Variants in ZNF536 observed in about 807,000 individuals in gnomAD.
The protein encoded by ZNF536 is zinc finger protein 536.
In ZNF536, 13 loss-of-function variants were observed where a neutral mutation model predicts 84.5. That is an observed-to-expected ratio of 0.15 (90% CI 0.10 to 0.24). The LOEUF (loss-of-function observed/expected upper bound fraction) is 0.24. Among genes scored for constraint, ZNF536 ranks in the 10% least tolerant of loss-of-function variants. ZNF536 has a pLI of 1.00. For missense variants in ZNF536, 1,536 were observed against 1,747.5 expected (o/e 0.88, Z 2.16); for synonymous variants, 811 against 742.5 (o/e 1.09, Z -1.50).
chr19:30,297,827 A>G lies in ZNF536; in HGVS notation c.-120+13686A>G, dbSNP rs1262823708. ...GCGCCAGGCAGCAGGAGCCCCCTGGATTTGCACCGTGCCCTTTATGAGTTA... is the reference window on the plus strand; with the variant it reads ...GCGCCAGGCAGCAGGAGCCCCCTGGGTTTGCACCGTGCCCTTTATGAGTTA... On this transcript the variant is annotated intron_variant, in intron 2 of 5. Transcript: ENST00000585628. Among the ~76,000 whole-genome samples, 10 of 150,084 alleles carry G rather than the reference A, an allele frequency of 6.7e-5. No homozygotes were observed. In the South Asian group the frequency reaches 2.1e-3, roughly 32 times the overall value.
At position 30,444,586 on chromosome 19, in the gene ZNF536, G is replaced by A; in HGVS notation, c.1024G>A (p.Ala342Thr). ...CCCCAACGGCGGTGGCGAGCAGTCG[G>A]CCAACGAGTTCCGCTGCGAGGTGTG... ...QGPNGGGEQS[A>T]NEFRCEVCGQ... Residue 342 changes from alanine (A) to threonine (T), a missense_variant, in exon 2 of 5, where the codon GCC becomes ACC. By Grantham distance (58) the Ala-to-Thr change is moderately conservative. This residue lies in a region of ZNF536 where 61 missense variants were observed against 104.0 expected (regional missense o/e 0.59). Transcript: ENST00000355537. 2 of 1,613,762 alleles carry A rather than the reference G, an allele frequency of 1.2e-6. No individual in the cohort carries two copies. Among genetic ancestry groups the A allele is most frequent in the Non-Finnish European group, 1.7e-6 (2 of 1,180,024 alleles).
chr19:30,246,869 A>C (rs16963961), intron 1 of ZNF536, among the ~76,000 whole-genome samples: 3,571 of 152,270 alleles, frequency 0.023, 137 homozygotes, highest in African/African-American at 0.081. Context: ...TCTACCAGGG[A>C]TATTTGAAGA....
chr19:30,533,908 G>C (rs1039638138), intron 2 of ZNF536, among the ~76,000 whole-genome samples: 4 of 152,220 alleles, frequency 2.6e-5, no homozygotes, highest in Non-Finnish European at 5.9e-5. Context: ...TCTCCTCCTC[G>C]ATTCCCCAAT....
At chr19:30,686,320 A>T (rs2051179344) in intron 1 of ZNF536, among the ~76,000 whole-genome samples, 1 of 152,004 alleles carries the variant, frequency 6.6e-6, no homozygotes, top group South Asian at 2.1e-4. Context: ...TTTTTCCTGA[A>T]GGTGGCAGTG....
In ZNF536 at chr19:30,439,959, CTTTTTTTTTTT is replaced by C. The variant is rs199638233; in HGVS notation, c.-2-3591_-2-3581del. Reference sequence around the variant, plus strand: ...TTCTTTCTTTTCTTTTTCTTTCTTTCTTTTTTTTTTTTTTTTTTTTTGACAGAGTCTCGCTC... The same window carrying C: ...TTCTTTCTTTTCTTTTTCTTTCTTTCTTTTTTTTTTGACAGAGTCTCGCTC... On this transcript the variant is annotated intron_variant, in intron 1 of 4. Coordinates refer to ENST00000355537, the MANE Select transcript of ZNF536 (RefSeq NM_014717.3). Among the ~76,000 whole-genome samples, 108 of 96,392 alleles carry C rather than the reference CTTTTTTTTTTT, an allele frequency of 1.1e-3. 2 individuals carry two copies. In the East Asian group the frequency reaches 0.031, roughly 28 times the overall value. 63.2% of individuals were successfully genotyped at this position (96,392 alleles called of 152,430 possible). A position where few individuals can be genotyped will look rare whatever the true frequency, so the allele number is the denominator to read the frequency against.
chr19:30,491,316 C>T (rs2054500361), intron 2 of ZNF536, among the ~76,000 whole-genome samples: 1 of 152,114 alleles, frequency 6.6e-6, no homozygotes, highest in Non-Finnish European at 1.5e-5. Flanking sequence ...CTTCTGTCTC[C>T]TGTTCAGTAA....
At chr19:30,292,597 A>G (rs2045878837) in intron 2 of ZNF536, among the ~76,000 whole-genome samples, 2 of 152,162 alleles carry the variant, frequency 1.3e-5, no homozygotes, top group African/African-American at 2.4e-5. Context: ...CTAGGGTTAT[A>G]GGCATGAGCC....
chr19:30,567,847 G>A (rs892413567), intron 1 of ZNF536, among the ~76,000 whole-genome samples: 2 of 152,308 alleles, frequency 1.3e-5, no homozygotes, highest in South Asian at 2.1e-4. Context: ...GGGGAAGGAG[G>A]TCTCCCTCGG....
intron 1 of ZNF536, among the ~76,000 whole-genome samples, chr19:30,247,637 G>A (rs1400771567): frequency 6.6e-6 from 1 of 152,106 alleles, no homozygotes; most frequent in African/African-American, 2.4e-5. Context: ...AGGCCAGCCT[G>A]GGCAACATCG....
At chr19:30,426,609 A>C (rs2051224591) in intron 1 of ZNF536, among the ~76,000 whole-genome samples, 1 of 152,192 alleles carries the variant, frequency 6.6e-6, no homozygotes. Flanking sequence ...GCAGAGATGC[A>C]AATATCTGAA....
At chr19:30,302,263 G>T (rs1297354765) in intron 2 of ZNF536, among the ~76,000 whole-genome samples, 2 of 152,180 alleles carry the variant, frequency 1.3e-5, no homozygotes, top group African/African-American at 2.4e-5. Context: ...GGGAGGCTCT[G>T]TCCGTCCTGC....
intron 1 of ZNF536, among the ~76,000 whole-genome samples, chr19:30,686,221 G>A (rs901604956): frequency 2.6e-5 from 4 of 152,022 alleles, no homozygotes; most frequent in South Asian, 2.1e-4. Context: ...TCATTCTGCA[G>A]TAGCAGCGAG....
intron 2 of ZNF536, among the ~76,000 whole-genome samples, chr19:30,502,452 C>T (rs779708886): frequency 2.6e-5 from 4 of 151,830 alleles, no homozygotes; most frequent in Admixed American, 1.3e-4. Context: ...GGTGAGTGAT[C>T]GGAAAGATCG....
chr19:30,443,275 G>C (rs1274066890), intron 1 of ZNF536, among the ~76,000 whole-genome samples: 1 of 152,126 alleles, frequency 6.6e-6, no homozygotes, highest in African/African-American at 2.4e-5. Flanking sequence ...ATTAGGTGTT[G>C]AAAGTGGTAA....
At chr19:30,491,135 A>T (rs898298608) in intron 2 of ZNF536, among the ~76,000 whole-genome samples, 11 of 152,224 alleles carry the variant, frequency 7.2e-5, no homozygotes, top group African/African-American at 2.6e-4. Context: ...CATGAAAACA[A>T]ACGGCAAGTC....
chr19:30,705,580 C>T (rs2052192284), intron 1 of ZNF536, among the ~76,000 whole-genome samples: 1 of 152,116 alleles, frequency 6.6e-6, no homozygotes, highest in South Asian at 2.1e-4. Context: ...CTGATATCAT[C>T]CCTTGGCAAA....
chr19:30,318,160 C>G (rs924976326), intron 2 of ZNF536, among the ~76,000 whole-genome samples: 2 of 152,178 alleles, frequency 1.3e-5, no homozygotes, highest in African/African-American at 4.8e-5. Context: ...CAGTTTCCCC[C>G]AGGACCCCTT....
chr19:30,597,752 T>C (rs937820728), intron 1 of ZNF536, among the ~76,000 whole-genome samples: 3 of 152,250 alleles, frequency 2.0e-5, no homozygotes, highest in African/African-American at 7.2e-5. Context: ...TATTGTGGTA[T>C]GCATAGTTTT....
chr19:30,436,381 A>G (rs939010648), intron 1 of ZNF536: 4 of 507,328 alleles, frequency 7.9e-6, no homozygotes, highest in Admixed American at 1.3e-4. Context: ...CATCTGGCAA[A>G]TAAACCACTC....
Sources: gnomAD v4.1 joint callset for allele counts (sites outside exome capture counted in the v4.1 genomes callset) on GRCh38, gnomAD v4.1.1 for gene constraint, gnomAD v4.1.1 regional missense constraint, MANE v1.5 for transcripts, NCBI Gene and HGNC (gene_info 2026-07-23, HGNC 2026-07-21) for gene names.